NTRK3: variants seen among roughly 807,000 people sequenced by gnomAD.
NTRK3 encodes NT-3 growth factor receptor.
Under a neutral mutation model 91.7 loss-of-function variants are expected in NTRK3, and 24 were observed. The ratio of observed to expected loss-of-function variants is 0.26; its 90% CI spans 0.19 to 0.37. NTRK3 has a LOEUF of 0.37. NTRK3 is among the 10% of genes least tolerant of loss of function. The probability of loss-of-function intolerance (pLI) is 1.00; values close to 1 mark genes in which losing one functional copy is unlikely to be tolerated. For missense variants in NTRK3, 880 were observed against 1,068.9 expected (o/e 0.82, Z 2.46); for synonymous variants, 483 against 404.0 (o/e 1.20, Z -2.34).
At chr15:87,932,984 G>C (rs2141953128) in intron 16 of NTRK3, 28 bp downstream of exon 16, 1 of 1,613,138 alleles carries the variant, frequency 6.2e-7, no homozygotes, top group Non-Finnish European at 8.5e-7. Context: ...ACTGGGGTCA[G>C]GTGCAGGGGA....
chr15:88,184,694 G>A (rs1162947804), intron 3 of NTRK3, among the ~76,000 whole-genome samples: 1 of 151,218 alleles, frequency 6.6e-6, no homozygotes, highest in Admixed American at 6.6e-5. Flanking sequence ...TTTTCCCTTA[G>A]TTATTGCCCA....
At chr15:88,194,346 G>C (rs1475040720) in intron 3 of NTRK3, among the ~76,000 whole-genome samples, 1 of 152,216 alleles carries the variant, frequency 6.6e-6, no homozygotes, top group Non-Finnish European at 1.5e-5. Flanking sequence ...TGTGCTGATA[G>C]CACTCAAATG....
intron 6 of NTRK3, among the ~76,000 whole-genome samples, chr15:88,144,318 G>A (rs1185555704): frequency 1.3e-5 from 2 of 152,158 alleles, no homozygotes; most frequent in Admixed American, 6.5e-5. Flanking sequence ...TAAGAGGTAC[G>A]CCCCCCTGGA....
intron 14 of NTRK3, among the ~76,000 whole-genome samples, chr15:87,943,015 C>G (rs546922352): frequency 6.6e-6 from 1 of 152,190 alleles, no homozygotes; most frequent in Admixed American, 6.5e-5. Flanking sequence ...CACCCCAATC[C>G]CACCTTTCCT....
chr15:88,195,394 T>C (rs1195400963), intron 3 of NTRK3, among the ~76,000 whole-genome samples: 1 of 152,144 alleles, frequency 6.6e-6, no homozygotes, highest in Non-Finnish European at 1.5e-5. Context: ...CGGTACATAG[T>C]AGAAATTTTA....
At position 88,132,051 on chromosome 15, in the gene NTRK3, A is replaced by G. The variant is rs1026681040; in HGVS notation, c.1204+3050T>C. On this transcript the variant is annotated intron_variant, in intron 10 of 18. Coordinates refer to ENST00000394480, the Ensembl canonical transcript of NTRK3. ...CCCCTTCTGTAAATTAATCTTCACC[A>G]CAACCTTTAAGGTAAAAGCAGGAAG... The G allele has an allele frequency of 8.7e-5, 17 of 195,088 alleles. No homozygotes were observed. The South Asian group carries it at 2.3e-3, about 27-fold the overall frequency. 12.1% of individuals were successfully genotyped at this position (195,088 alleles called of 1,614,324 possible).
At chr15:87,909,788 G>T (rs933560238) in intron 17 of NTRK3, among the ~76,000 whole-genome samples, 1 of 152,184 alleles carries the variant, frequency 6.6e-6, no homozygotes, top group Non-Finnish European at 1.5e-5. Context: ...TATAAGAAGA[G>T]ATTAGGACAC....
chr15:87,978,148 G>A (rs1205174464), intron 14 of NTRK3: 1 of 230,514 alleles, frequency 4.3e-6, no homozygotes, highest in East Asian at 6.2e-5. Flanking sequence ...CTACAAATGT[G>A]CCTTTCCTAC....
chr15:88,115,624 G>T (rs572996144), intron 13 of NTRK3, among the ~76,000 whole-genome samples: 1 of 152,188 alleles, frequency 6.6e-6, no homozygotes, highest in African/African-American at 2.4e-5. Flanking sequence ...ATGCCTGTCA[G>T]GTAGAGAGGC....
chr15:88,146,164 G>A (rs181166515), intron 6 of NTRK3, among the ~76,000 whole-genome samples: 1 of 152,324 alleles, frequency 6.6e-6, no homozygotes, highest in African/African-American at 2.4e-5. Flanking sequence ...AATCGTAGTA[G>A]TCATGTTAAT....
Position 87,956,769 on chromosome 15 carries a change from G to A in NTRK3, c.1586-16016C>T, listed in dbSNP as rs965808803. On this transcript the variant is annotated intron_variant, in intron 14 of 18. Transcript: ENST00000394480. The stretch of plus-strand genomic sequence containing the variant: ...TATTTTTTAGTAGAGATGGGGTTTC[G>A]CCATGTTGGCCAGGCTGGTCTGGAA... Among the ~76,000 whole-genome samples the A allele has an allele frequency of 6.0e-5, 9 of 150,820 alleles. No individual in the cohort carries two copies. The East Asian group carries it at 9.7e-4, about 16-fold the overall frequency.
chr15:87,984,156 C>T (rs1419532548), intron 14 of NTRK3, among the ~76,000 whole-genome samples: 2 of 152,186 alleles, frequency 1.3e-5, no homozygotes, highest in African/African-American at 4.8e-5. Flanking sequence ...CATACCCTAA[C>T]CAAGGGTTGT....
chr15:87,916,568 G>T (rs774942548), intron 17 of NTRK3: 5 of 702,242 alleles, frequency 7.1e-6, no homozygotes, highest in South Asian at 1.5e-5. Context: ...AACCTTCAAT[G>T]AGAGAAGAAA....
intron 3 of NTRK3, among the ~76,000 whole-genome samples, chr15:88,193,616 A>G (rs1220774853): frequency 2.0e-5 from 3 of 152,208 alleles, no homozygotes; most frequent in Non-Finnish European, 4.4e-5. Context: ...AGTGACCACT[A>G]GGCGAATAAA....
rs976366465 is a variant in NTRK3, at chr15:88,240,182, A to C, written c.248+15724T>G. Among the ~76,000 whole-genome samples, 1 of 142,782 alleles carries C rather than the reference A, an allele frequency of 7.0e-6. No homozygotes were observed. The highest frequency in any genetic ancestry group is 2.7e-5 in the African/African-American group (1 of 37,282). 93.7% of individuals were successfully genotyped at this position (142,782 alleles called of 152,430 possible). A position where few individuals can be genotyped will look rare whatever the true frequency, so the allele number is the denominator to read the frequency against. On this transcript the variant is annotated intron_variant, in intron 3 of 18. Coordinates refer to ENST00000394480, the Ensembl canonical transcript of NTRK3. The surrounding 1 kb of genome is among the most constrained non-coding windows in gnomAD (Gnocchi z 4.9). ...GCTGCTGCATCTGTATGGCTCCCCTACTTTCCCATCCCGTCCCCAGCCACC... is the reference window on the plus strand; with the variant it reads ...GCTGCTGCATCTGTATGGCTCCCCTCCTTTCCCATCCCGTCCCCAGCCACC...
At chr15:87,995,669 A>C (rs1307316325) in intron 14 of NTRK3, among the ~76,000 whole-genome samples, 1 of 152,212 alleles carries the variant, frequency 6.6e-6, no homozygotes. Context: ...AAGATGAGAC[A>C]GAGAAAGGTC....
chr15:87,961,702 G>T (rs1159542926), intron 14 of NTRK3, among the ~76,000 whole-genome samples: 2 of 152,264 alleles, frequency 1.3e-5, no homozygotes, highest in East Asian at 1.9e-4. Context: ...AGCAGGTCCT[G>T]CCCAGGGCAT....
exon 1 of NTRK3, chr15:88,256,736 G>C: frequency 2.9e-6 from 1 of 342,522 alleles, no homozygotes; most frequent in East Asian, 4.3e-5. Context: ...AAATGTACAA[G>C]TGCTCCGAGC....
intron 3 of NTRK3, among the ~76,000 whole-genome samples, chr15:88,218,902 G>C (rs2050016172): frequency 6.6e-6 from 1 of 152,232 alleles, no homozygotes; most frequent in South Asian, 2.1e-4. Context: ...AACCCAGCCA[G>C]TATTCCCTTT....
Sources: allele counts gnomAD v4.1 joint callset (sites outside exome capture counted in the v4.1 genomes callset), GRCh38; gene constraint gnomAD v4.1.1; non-coding constraint Gnocchi (gnomAD v3.1); transcripts MANE v1.5; gene names NCBI Gene and HGNC (gene_info 2026-07-23, HGNC 2026-07-21).